TULP3: variants seen among roughly 807,000 people sequenced by gnomAD.
TULP3 encodes the protein TUB like protein 3.
Under a neutral mutation model 50.7 loss-of-function variants are expected in TULP3, and 38 were observed. The observed-to-expected ratio is 0.75, with a 90% CI of 0.58 to 0.98. The LOEUF (loss-of-function observed/expected upper bound fraction) is 0.98, where lower values mean the gene tolerates loss of function less well. TULP3 is among the 50% of genes least tolerant of loss of function. The probability of loss-of-function intolerance (pLI) is 0.00; values close to 1 mark genes in which losing one functional copy is unlikely to be tolerated. For missense variants in TULP3, 550 were observed against 568.0 expected, an observed-to-expected ratio of 0.97 and a Z score of 0.32; for synonymous variants, 183 against 196.6, an observed-to-expected ratio of 0.93 and a Z score of 0.58.
At chr12:2,918,153 G>A (rs1404960269) in intron 2 of TULP3, among the ~76,000 whole-genome samples, 3 of 151,994 alleles carry the variant, frequency 2.0e-5, no homozygotes, top group Middle Eastern at 3.2e-3. Context: ...TCGCTCTGTC[G>A]CCCAGGCTGG....
At chr12:2,899,976 A>T (rs1300741027) in intron 1 of TULP3, among the ~76,000 whole-genome samples, 1 of 150,982 alleles carries the variant, frequency 6.6e-6, no homozygotes, top group Non-Finnish European at 1.5e-5. Context: ...GCACTTTGGG[A>T]GGTTGAGGCA....
intron 1 of TULP3, among the ~76,000 whole-genome samples, chr12:2,897,141 G>A (rs1358349836): frequency 6.6e-6 from 1 of 151,974 alleles, no homozygotes; most frequent in Non-Finnish European, 1.5e-5. Context: ...TCCTGAGTAG[G>A]TAGGATTACA....
intron 2 of TULP3, among the ~76,000 whole-genome samples, chr12:2,913,236 T>TGG (rs34145629): frequency 7.4e-6 from 1 of 135,168 alleles, no homozygotes; most frequent in Non-Finnish European, 1.6e-5. Flanking sequence ...TGTGTGTGTG[T>TGG]GGTGGCCTTT....
chr12:2,930,231 TCTTC>T lies in TULP3; in HGVS notation c.395-13_395-10del. ...AAACAGTGTTGGCAGTGCTAACAGT[TCTTC>T]CTTTTCTGCTAGATATCTCTGAAAG... On this transcript the variant is annotated splice_polypyrimidine_tract_variant and intron_variant, in intron 4 of 10. Transcript: ENST00000448120. The T allele has an allele frequency of 6.3e-7, 1 of 1,580,754 alleles. No homozygotes were observed. The highest frequency in any genetic ancestry group is 8.7e-7 in the Non-Finnish European group (1 of 1,153,110).
chr12:2,911,631 C>A (rs1481027517), intron 2 of TULP3, among the ~76,000 whole-genome samples: 2 of 133,398 alleles, frequency 1.5e-5, no homozygotes, highest in African/African-American at 5.4e-5. Flanking sequence ...TCCCAAAGTG[C>A]TGGGATTACA....
Position 2,936,472 on chromosome 12 carries a change from C to T in TULP3, c.925-1159C>T, listed in dbSNP as rs958494251. Among the ~76,000 whole-genome samples, 4 of 151,800 alleles carry T rather than the reference C, an allele frequency of 2.6e-5. No individual in the cohort carries two copies. In the East Asian group the frequency reaches 5.8e-4, roughly 22 times the overall value. Reference sequence around the variant, plus strand: ...CATTTAAGACTCAAGAGTAAGAGGCCGGGCGTGGTGGCTCACTCCTGTAGT... The same window carrying T: ...CATTTAAGACTCAAGAGTAAGAGGCTGGGCGTGGTGGCTCACTCCTGTAGT... On this transcript the variant is annotated intron_variant, in intron 8 of 10. Coordinates refer to ENST00000448120, the MANE Select transcript of TULP3 (RefSeq NM_003324.5).
intron 1 of TULP3, among the ~76,000 whole-genome samples, chr12:2,894,166 A>G (rs2098173977): frequency 6.6e-6 from 1 of 151,990 alleles, no homozygotes; most frequent in Non-Finnish European, 1.5e-5. Context: ...AGCTGGAGTC[A>G]TCTAAGAAAT....
chr12:2,901,312 CTTTTT>C (rs371069831), intron 1 of TULP3, among the ~76,000 whole-genome samples: 1 of 104,146 alleles, frequency 9.6e-6, no homozygotes, highest in African/African-American at 3.9e-5. Context: ...TTCTTTCTTT[CTTTTT>C]TTTTTTTTTT....
intron 1 of TULP3, among the ~76,000 whole-genome samples, chr12:2,899,527 A>T (rs949127509): frequency 2.6e-5 from 4 of 152,132 alleles, no homozygotes; most frequent in African/African-American, 9.7e-5. Flanking sequence ...AGAGCATTGA[A>T]GATTGTTTTT....
intron 1 of TULP3, among the ~76,000 whole-genome samples, chr12:2,897,643 A>C (rs1181906791): frequency 6.6e-6 from 1 of 151,040 alleles, no homozygotes; most frequent in Non-Finnish European, 1.5e-5. Flanking sequence ...TCTCTCTCTC[A>C]AGACATAGGG....
At chr12:2,922,694 CTCT>C (rs1372118791) in intron 4 of TULP3, among the ~76,000 whole-genome samples, 3 of 152,108 alleles carry the variant, frequency 2.0e-5, no homozygotes, top group Non-Finnish European at 4.4e-5. Context: ...AGTTCCCACC[CTCT>C]TCTTCTGACA....
At chr12:2,902,629 C>T (rs1016879289) in intron 1 of TULP3, among the ~76,000 whole-genome samples, 1 of 152,104 alleles carries the variant, frequency 6.6e-6, no homozygotes, top group Non-Finnish European at 1.5e-5. Context: ...TTGAGAGTCC[C>T]GAATAATCAT....
At chr12:2,930,478 C>G in intron 5 of TULP3, 133 bp downstream of exon 5, 1 of 582,748 alleles carries the variant, frequency 1.7e-6, no homozygotes, top group Non-Finnish European at 2.8e-6. Context: ...GGCTGGAGTG[C>G]AGTGGCATGA....
At chr12:2,917,471 CAAAA>C (rs111993395) in intron 2 of TULP3, among the ~76,000 whole-genome samples, 7 of 133,700 alleles carry the variant, frequency 5.2e-5, no homozygotes, top group Non-Finnish European at 1.1e-4. Flanking sequence ...GACTCTGTCT[CAAAA>C]AAAAAAAAAG....
chr12:2,895,006 C>G (rs1005087168), intron 1 of TULP3, among the ~76,000 whole-genome samples: 1 of 152,168 alleles, frequency 6.6e-6, no homozygotes, highest in Non-Finnish European at 1.5e-5. Flanking sequence ...TTAAAACGAA[C>G]TTAAGTTCTG....
intron 8 of TULP3, among the ~76,000 whole-genome samples, chr12:2,934,975 CTTA>C (rs1260822110): frequency 6.6e-6 from 1 of 150,716 alleles, no homozygotes; most frequent in African/African-American, 2.4e-5. Context: ...TAAATTGTAT[CTTA>C]TTATTATTTG....
intron 3 of TULP3, among the ~76,000 whole-genome samples, chr12:2,921,921 A>G (rs2098191996): frequency 1.3e-5 from 2 of 152,094 alleles, no homozygotes; most frequent in African/African-American, 2.4e-5. Context: ...CATCTCTACA[A>G]AAAAATTAAC....
chr12:2,936,608 C>T (rs897789210), intron 8 of TULP3, among the ~76,000 whole-genome samples: 1 of 150,714 alleles, frequency 6.6e-6, no homozygotes, highest in Admixed American at 6.6e-5. Flanking sequence ...CAAAATTAGC[C>T]GGGTGTGGTG....
At chr12:2,910,979 G>A (rs574742310) in intron 2 of TULP3, among the ~76,000 whole-genome samples, 1 of 152,028 alleles carries the variant, frequency 6.6e-6, no homozygotes, top group Non-Finnish European at 1.5e-5. Context: ...TCCTAGTATC[G>A]TAAGGCCCAA....
Sources: gnomAD v4.1 joint callset for allele counts (sites outside exome capture counted in the v4.1 genomes callset) on GRCh38, gnomAD v4.1.1 for gene constraint, MANE v1.5 for transcripts, NCBI Gene and HGNC (gene_info 2026-07-23, HGNC 2026-07-21) for gene names.